Variants in GON4L observed in about 807,000 individuals in gnomAD.
GON4L encodes gon-4 like.
In GON4L, 87 loss-of-function variants were observed where a neutral mutation model predicts 211.8. The observed-to-expected ratio is 0.41, with a 90% confidence interval of 0.35 to 0.49. The LOEUF (loss-of-function observed/expected upper bound fraction) is 0.49, where lower values mean the gene tolerates loss of function less well. GON4L is among the 20% of genes least tolerant of loss of function. The pLI is 0.15. For missense variants in GON4L, 2,155 were observed against 2,659.5 expected (o/e 0.81, Z 4.17); for synonymous variants, 875 against 962.6 (o/e 0.91, Z 1.68).
At position 155,760,583 on chromosome 1, in the gene GON4L, T is replaced by G. The variant is rs745970509; in HGVS notation, c.4970A>C (p.Tyr1657Ser). The G allele has an allele frequency of 1.2e-6, 2 of 1,613,496 alleles. No individual in the cohort carries two copies. The highest frequency in any genetic ancestry group is 2.2e-5 in the South Asian group (2 of 91,080). ...TCTCTGGGTACTTGACTCAAATTCA[T>G]AGATGACTTGAAGGAAGTCTTCATA... Reference protein sequence around the residue: ...GKYEDFLQVIYEFESSTQRRT... With the variant: ...GKYEDFLQVISEFESSTQRRT... Residue 1657 changes from tyrosine to serine, a missense_variant, in exon 24 of 32, where the codon TAT becomes TCT. Tyr to Ser is a moderately radical substitution (Grantham distance 144). This residue lies in a region of GON4L where 455 missense variants were observed against 504.6 expected (regional missense o/e 0.90). Coordinates refer to ENST00000368331, the MANE Select transcript of GON4L (RefSeq NM_001282860.2).
At chr1:155,848,719 CAGAT>C (rs1168433720) in intron 2 of GON4L, among the ~76,000 whole-genome samples, 1 of 152,038 alleles carries the variant, frequency 6.6e-6, no homozygotes, top group Non-Finnish European at 1.5e-5. Context: ...AAATGTCACA[CAGAT>C]AGAGATTATG....
Position 155,835,111 on chromosome 1 carries a change from CTT to C in GON4L, c.506-8085_506-8084del, listed in dbSNP as rs559712592. Among the ~76,000 whole-genome samples, 35 of 152,230 alleles carry C rather than the reference CTT, an allele frequency of 2.3e-4. No individual in the cohort carries two copies. The East Asian group carries it at 6.6e-3, about 29-fold the overall frequency. On this transcript the variant is annotated intron_variant, in intron 2 of 31. Coordinates refer to ENST00000368331, the MANE Select transcript of GON4L (RefSeq NM_001282860.2). The stretch of plus-strand genomic sequence containing the variant: ...TGTAGAAATAGGTAGACATGGGAGA[CTT>C]TTCATTTTGTTCTGTACTAAGAAAA...
intron 27 of GON4L, among the ~76,000 whole-genome samples, chr1:155,754,871 A>G (rs1354933011): frequency 2.1e-5 from 3 of 144,682 alleles, no homozygotes; most frequent in African/African-American, 7.7e-5. Context: ...TGTGAGCCAT[A>G]TGAACACAAC....
chr1:155,796,097 C>T (rs922835731), intron 11 of GON4L, among the ~76,000 whole-genome samples: 1 of 151,860 alleles, frequency 6.6e-6, no homozygotes, highest in Non-Finnish European at 1.5e-5. Flanking sequence ...GAATATGTAA[C>T]CATTCTATAA....
In GON4L at chr1:155,766,323, C is replaced by T. The variant is rs1401032851; in HGVS notation, c.3150G>A (p.Gln1050=). 2.5e-6 allele frequency: 4 copies of T among 1,614,000 alleles called. No individual in the cohort carries two copies. The highest frequency in any genetic ancestry group is 2.2e-5 in the South Asian group (2 of 91,082). ...PHPIQPATVL[Q]TVPGVPPLGV... ...CCAGTGGAGGGACACCTGGAACTGT[C>T]TGTAAAACAGTGGCTGGCTGTATTG... The change falls in exon 21 of 32, where the codon CAG becomes CAA. Residue 1050 remains glutamine (Q), a synonymous_variant. Transcript: ENST00000368331.
intron 17 of GON4L, 199 bp downstream of exon 17, chr1:155,774,803 T>G (rs1289786331): frequency 2.3e-6 from 2 of 875,000 alleles, no homozygotes; most frequent in Admixed American, 2.1e-5. Flanking sequence ...CCTCCACACT[T>G]TACCCAGGCC....
intron 3 of GON4L, among the ~76,000 whole-genome samples, chr1:155,824,727 G>C (rs1260414160): frequency 7.2e-6 from 1 of 138,086 alleles, no homozygotes; most frequent in Non-Finnish European, 1.5e-5. Flanking sequence ...CTGGGCGACA[G>C]AGTGAGACTC....
At chr1:155,827,709 A>T (rs926966117) in intron 2 of GON4L, among the ~76,000 whole-genome samples, 1 of 143,582 alleles carries the variant, frequency 7.0e-6, no homozygotes, top group South Asian at 2.3e-4. Flanking sequence ...CAAAAAAAAA[A>T]GCCAGGTGCT....
At chr1:155,770,952 T>C (rs554203553) in intron 19 of GON4L, 115 bp downstream of exon 19, 1 of 1,409,478 alleles carries the variant, frequency 7.1e-7, no homozygotes, top group East Asian at 2.3e-5. Context: ...TAGTGTAAAG[T>C]GGGAGAAATT....
At chr1:155,848,206 C>T (rs1671436580) in intron 2 of GON4L, among the ~76,000 whole-genome samples, 1 of 152,168 alleles carries the variant, frequency 6.6e-6, no homozygotes, top group African/African-American at 2.4e-5. Flanking sequence ...ATGAATCTTG[C>T]ACAAAGCCAA....
At chr1:155,857,449 G>A (rs1448402399), upstream of GON4L, among the ~76,000 whole-genome samples, 1 of 152,264 alleles carries the variant, frequency 6.6e-6, no homozygotes, top group Non-Finnish European at 1.5e-5. Context: ...TAATTTGGGG[G>A]CCAGGCGCGG....
chr1:155,842,298 G>C (rs1449122243), intron 2 of GON4L, among the ~76,000 whole-genome samples: 1 of 152,110 alleles, frequency 6.6e-6, no homozygotes, highest in African/African-American at 2.4e-5. Context: ...GCCAAGGCGA[G>C]TGGATTACGA....
intron 27 of GON4L, chr1:155,756,603 G>A: frequency 4.4e-6 from 1 of 229,500 alleles, no homozygotes; most frequent in East Asian, 1.1e-4. Context: ...ATGAAACATA[G>A]ATAATTTTCA....
downstream of GON4L, chr1:155,747,800 T>C: frequency 6.2e-7 from 1 of 1,612,674 alleles, no homozygotes; most frequent in South Asian, 1.1e-5. Context: ...ATGGCTTCTC[T>C]GGGGTAGGCG....
intron 10 of GON4L, among the ~76,000 whole-genome samples, chr1:155,812,184 T>A (rs1667853578): frequency 6.6e-6 from 1 of 152,132 alleles, no homozygotes; most frequent in African/African-American, 2.4e-5. Flanking sequence ...GTGATGAAAG[T>A]TAACATTACA....
intron 6 of GON4L, among the ~76,000 whole-genome samples, chr1:155,816,617 T>C (rs1386290468): frequency 6.6e-6 from 1 of 152,140 alleles, no homozygotes; most frequent in Non-Finnish European, 1.5e-5. Context: ...ACCTAAGATA[T>C]TTTGGTTACA....
chr1:155,773,049 C>G lies in GON4L; in HGVS notation c.2495+17G>C, dbSNP rs755031386. On this transcript the variant is annotated intron_variant, in intron 18 of 31. Transcript: ENST00000368331. ...TGGGATGTTCTGCTGTTTTGATCCCCCAGAGTAAACACTTACTTGTCCTCA... is the reference window on the plus strand; with the variant it reads ...TGGGATGTTCTGCTGTTTTGATCCCGCAGAGTAAACACTTACTTGTCCTCA... The G allele has an allele frequency of 1.2e-6, 2 of 1,611,726 alleles. No individual in the cohort carries two copies. The highest frequency in any genetic ancestry group is 1.7e-6 in the Non-Finnish European group (2 of 1,179,674).
chr1:155,834,054 G>C (rs905359757), intron 2 of GON4L, among the ~76,000 whole-genome samples: 1 of 151,914 alleles, frequency 6.6e-6, no homozygotes, highest in African/African-American at 2.4e-5. Context: ...TTGAACTCCT[G>C]GCCACAAGAT....
chr1:155,796,355 G>T (rs1206268435), intron 11 of GON4L, among the ~76,000 whole-genome samples: 1 of 150,022 alleles, frequency 6.7e-6, no homozygotes, highest in African/African-American at 2.5e-5. Flanking sequence ...TTGGCTCACT[G>T]CAAACTCTGC....
Sources: gnomAD v4.1 joint callset for allele counts (sites outside exome capture counted in the v4.1 genomes callset) on GRCh38, gnomAD v4.1.1 for gene constraint, gnomAD v4.1.1 regional missense constraint, MANE v1.5 for transcripts, NCBI Gene and HGNC (gene_info 2026-07-23, HGNC 2026-07-21) for gene names.